Variants in MTMR12 observed in about 807,000 individuals in gnomAD.
The protein encoded by MTMR12 is myotubularin-related protein 12.
Under a neutral mutation model 96.7 loss-of-function variants are expected in MTMR12, and 33 were observed. That is an observed-to-expected ratio of 0.34 (90% CI 0.26 to 0.46). The LOEUF (loss-of-function observed/expected upper bound fraction) is 0.46. Ranked by LOEUF, MTMR12 falls within the 20% of genes least tolerant of loss-of-function variation. The probability of loss-of-function intolerance (pLI) is 1.00; values close to 1 mark genes in which losing one functional copy is unlikely to be tolerated. For missense variants in MTMR12, 721 were observed against 896.1 expected (o/e 0.80, Z 2.49); for synonymous variants, 298 against 327.2 (o/e 0.91, Z 0.96).
chr5:32,298,776 G>A (rs1751018294), intron 1 of MTMR12, among the ~76,000 whole-genome samples: 2 of 151,244 alleles, frequency 1.3e-5, no homozygotes, highest in Admixed American at 6.6e-5. Flanking sequence ...GTGAAACCCC[G>A]TCTCTACTAA....
At position 32,302,192 on chromosome 5, in the gene MTMR12, G is replaced by A. The variant is rs935237118; in HGVS notation, c.81+10566C>T. Among the ~76,000 whole-genome samples the A allele has an allele frequency of 1.4e-4, 22 of 152,296 alleles. 1 individual carries two copies. The highest frequency in any genetic ancestry group is 1.0e-3 in the Admixed American group (16 of 15,294). On this transcript the variant is annotated intron_variant, in intron 1 of 15. Coordinates refer to ENST00000382142, the MANE Select transcript of MTMR12 (RefSeq NM_001040446.3). ...CTATAGGAAATGAAGGACAGGGTACGAGAGGGAAAAGTGATGGCTATTATT... is the reference window on the plus strand; with the variant it reads ...CTATAGGAAATGAAGGACAGGGTACAAGAGGGAAAAGTGATGGCTATTATT...
At position 32,228,504 on chromosome 5, in the gene MTMR12, T is replaced by A. The variant is rs1474119056; in HGVS notation, c.*1274A>T. The A allele has an allele frequency of 8.1e-6, 1 of 123,354 alleles. No homozygotes were observed. The highest frequency in any genetic ancestry group is 2.9e-5 in the African/African-American group (1 of 34,178). 7.6% of individuals were successfully genotyped at this position (123,354 alleles called of 1,614,324 possible). A position where few individuals can be genotyped will look rare whatever the true frequency, so the allele number is the denominator to read the frequency against. Reference sequence around the variant, plus strand: ...CTGCTCCTTACAAAGTATACTTTCCTGCATTAAAAAAAATATATATCATAT... The same window carrying A: ...CTGCTCCTTACAAAGTATACTTTCCAGCATTAAAAAAAATATATATCATAT... On this transcript the variant is annotated 3_prime_UTR_variant, in exon 16 of 16. Transcript: ENST00000382142.
At chr5:32,273,833 C>T in intron 3 of MTMR12, 147 bp downstream of exon 3, 2 of 1,217,356 alleles carry the variant, frequency 1.6e-6, no homozygotes, top group Middle Eastern at 2.6e-4. Context: ...CCAAACTTCA[C>T]CAAATGCAGT....
Position 32,260,459 on chromosome 5 carries a change from C to T in MTMR12, c.713+2654G>A, listed in dbSNP as rs377017474. ...TGACATGCTAACACCTATGCAAATGCCAACTGATTAGTATGTGGCAGGATT... is the reference window on the plus strand; with the variant it reads ...TGACATGCTAACACCTATGCAAATGTCAACTGATTAGTATGTGGCAGGATT... On this transcript the variant is annotated intron_variant, in intron 7 of 15. Coordinates refer to ENST00000382142, the MANE Select transcript of MTMR12 (RefSeq NM_001040446.3). 6.6e-5 allele frequency among the ~76,000 whole-genome samples: 10 copies of T among 151,882 alleles called. 1 individual carries two copies. The South Asian group carries it at 2.1e-3, about 32-fold the overall frequency.
Position 32,275,997 on chromosome 5 carries a change from A to T in MTMR12, c.142+685T>A, listed in dbSNP as rs183016466. The stretch of plus-strand genomic sequence containing the variant: ...AAATGTACCTTAAAGAACTTATTTT[A>T]AAAAAGCTATTTTGAATTAAGAAAA... On this transcript the variant is annotated intron_variant, in intron 2 of 15. Coordinates refer to ENST00000382142, the MANE Select transcript of MTMR12 (RefSeq NM_001040446.3). Among the ~76,000 whole-genome samples the T allele has an allele frequency of 7.7e-3, 1,180 of 152,332 alleles. 15 individuals carry two copies. The highest frequency in any genetic ancestry group is 0.024 in the African/African-American group (988 of 41,584).
chr5:32,310,936 C>T (rs1157422873), intron 1 of MTMR12, among the ~76,000 whole-genome samples: 2 of 150,982 alleles, frequency 1.3e-5, no homozygotes, highest in East Asian at 1.9e-4. Context: ...TGCAGTGGCG[C>T]GATCTCGGCT....
chr5:32,304,538 G>C (rs1384335962), intron 1 of MTMR12, among the ~76,000 whole-genome samples: 1 of 152,136 alleles, frequency 6.6e-6, no homozygotes, highest in Non-Finnish European at 1.5e-5. Flanking sequence ...TAGCCCTTAT[G>C]ATAATGGAAT....
chr5:32,264,314 C>A (rs535333305), intron 6 of MTMR12, among the ~76,000 whole-genome samples: 1 of 152,156 alleles, frequency 6.6e-6, no homozygotes, highest in Non-Finnish European at 1.5e-5. Context: ...ATCTAAAAAA[C>A]CAAGCCTTCT....
chr5:32,284,210 C>T (rs1237422267), intron 1 of MTMR12, among the ~76,000 whole-genome samples: 2 of 146,976 alleles, frequency 1.4e-5, no homozygotes, highest in African/African-American at 2.5e-5. Context: ...CCCAGTTACT[C>T]AGAAGGCTGG....
At chr5:32,273,900 T>C in intron 3 of MTMR12, 80 bp downstream of exon 3, 2 of 1,579,936 alleles carry the variant, frequency 1.3e-6, no homozygotes, top group South Asian at 1.2e-5. Context: ...GTAGAGTAAC[T>C]GAGAAGCTGG....
chr5:32,294,984 C>G (rs1750871566), intron 1 of MTMR12, among the ~76,000 whole-genome samples: 1 of 152,184 alleles, frequency 6.6e-6, no homozygotes, highest in African/African-American at 2.4e-5. Flanking sequence ...AGGGGCATAG[C>G]CAAGGTCAGA....
intron 1 of MTMR12, among the ~76,000 whole-genome samples, chr5:32,310,553 A>G (rs537414890): frequency 1.3e-5 from 2 of 152,368 alleles, no homozygotes; most frequent in South Asian, 2.1e-4. Flanking sequence ...AGGCGCAGAA[A>G]GACAAACTTT....
rs1183703243 is a variant in MTMR12 at position 32,248,700 on chromosome 5, C to T, written c.896+72G>A. 9 of 1,141,272 alleles carry T rather than the reference C, an allele frequency of 7.9e-6. No homozygotes were observed. The Admixed American group carries it at 1.6e-4, about 20-fold the overall frequency. 70.7% of individuals were successfully genotyped at this position (1,141,272 alleles called of 1,614,324 possible). ...CAGTAGGTAAACAGAAATAGACATA[C>T]TACTAAGAGCTGTTCCCTGCTTCTT... On this transcript the variant is annotated intron_variant, in intron 9 of 15. Coordinates refer to ENST00000382142, the MANE Select transcript of MTMR12 (RefSeq NM_001040446.3).
rs1054298621 is a variant in MTMR12 at position 32,287,527 on chromosome 5, T to C, written c.82-10785A>G. Among the ~76,000 whole-genome samples, 3 of 152,246 alleles carry C rather than the reference T, an allele frequency of 2.0e-5. No individual in the cohort carries two copies. The South Asian group carries it at 6.2e-4, about 32-fold the overall frequency. On this transcript the variant is annotated intron_variant, in intron 1 of 15. Coordinates refer to ENST00000382142, the MANE Select transcript of MTMR12 (RefSeq NM_001040446.3). ...TCATGTAATTTAATATTTAATAAAC[T>C]CCCCTTTATATATATACACATACAT...
At chr5:32,302,546 G>A (rs141993777) in intron 1 of MTMR12, among the ~76,000 whole-genome samples, 4 of 152,024 alleles carry the variant, frequency 2.6e-5, no homozygotes, top group South Asian at 4.1e-4. Context: ...GTGAAACCCC[G>A]TCTCCACCAA....
intron 1 of MTMR12, among the ~76,000 whole-genome samples, chr5:32,306,817 C>A (rs1325741210): frequency 1.3e-5 from 2 of 152,168 alleles, no homozygotes; most frequent in African/African-American, 2.4e-5. Flanking sequence ...TCTTTAAATT[C>A]TCTTCCAAAG....
intron 7 of MTMR12, among the ~76,000 whole-genome samples, chr5:32,256,852 T>C (rs896290991): frequency 5.9e-5 from 9 of 152,332 alleles, no homozygotes; most frequent in Non-Finnish European, 1.2e-4. Flanking sequence ...GTCAGTCAAG[T>C]TTCTTCAACA....
chr5:32,278,720 T>C (rs1026705360), intron 1 of MTMR12, among the ~76,000 whole-genome samples: 2 of 152,190 alleles, frequency 1.3e-5, no homozygotes, highest in Admixed American at 1.3e-4. Flanking sequence ...TCTGATGTAC[T>C]GGTCTGGGGC....
intron 13 of MTMR12, among the ~76,000 whole-genome samples, chr5:32,235,331 T>A (rs1011724519): frequency 6.6e-6 from 1 of 152,228 alleles, no homozygotes; most frequent in South Asian, 2.1e-4. Context: ...TGCCTATCTG[T>A]GTCAAAGACA....
Sources: allele counts gnomAD v4.1 joint callset (sites outside exome capture counted in the v4.1 genomes callset), GRCh38; gene constraint gnomAD v4.1.1; transcripts MANE v1.5; gene names NCBI Gene and HGNC (gene_info 2026-07-23, HGNC 2026-07-21).